Variants in CPQ observed in about 807,000 individuals in gnomAD.
The protein encoded by CPQ is Ser-Met dipeptidase.
A neutral mutation model predicts 45.7 loss-of-function variants in CPQ; 37 were observed. The observed-to-expected ratio is 0.81, with a 90% CI of 0.62 to 1.07. The LOEUF (loss-of-function observed/expected upper bound fraction) is 1.07, where lower values mean the gene tolerates loss of function less well. Ranked by LOEUF, CPQ falls within the 50% of genes least tolerant of loss-of-function variation. The pLI is 0.00. For synonymous variants in CPQ, 186 were observed against 205.8 expected (o/e 0.90, Z 0.82); for missense variants, 537 against 572.9 (o/e 0.94, Z 0.64).
intron 5 of CPQ, among the ~76,000 whole-genome samples, chr8:96,968,768 C>G (rs1189226620): frequency 6.6e-6 from 1 of 152,118 alleles, no homozygotes; most frequent in African/African-American, 2.4e-5. Context: ...CTTTGTCTTC[C>G]CCTCTCACCA....
At chr8:96,897,671 C>G (rs186891056) in intron 4 of CPQ, among the ~76,000 whole-genome samples, 46 of 152,156 alleles carry the variant, frequency 3.0e-4, no homozygotes, top group Non-Finnish European at 4.6e-4. Context: ...ACACTTGGTC[C>G]CATCCTCATG....
chr8:97,010,783 A>G (rs2130438863), intron 5 of CPQ, among the ~76,000 whole-genome samples: 1 of 152,336 alleles, frequency 6.6e-6, no homozygotes, highest in Admixed American at 6.5e-5. Flanking sequence ...GTTTAAAAAA[A>G]TCATTTCTTC....
At chr8:97,129,197 G>A (rs1017924428) in intron 7 of CPQ, among the ~76,000 whole-genome samples, 3 of 152,188 alleles carry the variant, frequency 2.0e-5, no homozygotes, top group African/African-American at 7.2e-5. Flanking sequence ...AAAGATGGGT[G>A]CTGATGTGGG....
intron 7 of CPQ, among the ~76,000 whole-genome samples, chr8:97,088,579 G>T (rs1039995285): frequency 6.6e-6 from 1 of 152,166 alleles, no homozygotes; most frequent in African/African-American, 2.4e-5. Flanking sequence ...AAATGTATCC[G>T]TTTCAACAGT....
intron 3 of CPQ, among the ~76,000 whole-genome samples, chr8:96,859,522 G>A (rs1381488904): frequency 6.6e-6 from 1 of 152,176 alleles, no homozygotes; most frequent in Non-Finnish European, 1.5e-5. Flanking sequence ...CCAGCTTAGG[G>A]TGGCAAGTGT....
intron 6 of CPQ, among the ~76,000 whole-genome samples, chr8:97,046,562 G>T (rs1786551553): frequency 6.6e-6 from 1 of 152,210 alleles, no homozygotes; most frequent in African/African-American, 2.4e-5. Flanking sequence ...AGATTAAACA[G>T]AATTTCTGTT....
rs747470074 is a variant in CPQ at position 96,905,760 on chromosome 8, C to CAA, written c.849+25777_849+25778dup. Among the ~76,000 whole-genome samples the CAA allele has an allele frequency of 4.8e-3, 309 of 64,736 alleles. 2 individuals are homozygous for CAA. Among genetic ancestry groups the CAA allele is most frequent in the African/African-American group, 0.012 (219 of 18,040 alleles). The allele number at this position is 64,736 out of a possible 152,430, so 42.5% of individuals were successfully genotyped here. On this transcript the variant is annotated intron_variant, in intron 4 of 7. Coordinates refer to ENST00000220763, the MANE Select transcript of CPQ (RefSeq NM_016134.4). ...AAAATAAATTCAGCCCTGTCTTAAC[C>CAA]AAAAAAAAAAAAAAAAAAAAAAAGA... is the stretch of plus-strand genomic sequence containing the variant.
chr8:96,860,140 G>C (rs1337687196), intron 3 of CPQ, among the ~76,000 whole-genome samples: 1 of 152,028 alleles, frequency 6.6e-6, no homozygotes, highest in African/African-American at 2.4e-5. Flanking sequence ...CTGCTGTGTT[G>C]TCCTTGCCAC....
intron 7 of CPQ, among the ~76,000 whole-genome samples, chr8:97,133,897 T>C (rs1286979734): frequency 2.0e-5 from 3 of 152,246 alleles, no homozygotes; most frequent in Non-Finnish European, 4.4e-5. Context: ...CTTTTTGCTT[T>C]ATTTTTAAGT....
intron 7 of CPQ, among the ~76,000 whole-genome samples, chr8:97,142,683 G>T (rs1812187650): frequency 6.6e-6 from 1 of 152,178 alleles, no homozygotes; most frequent in Non-Finnish European, 1.5e-5. Context: ...CCAAATGTAG[G>T]CTACTTCCAC....
intron 1 of CPQ, among the ~76,000 whole-genome samples, chr8:96,784,345 A>C (rs1443327344): frequency 6.6e-6 from 1 of 151,740 alleles, no homozygotes; most frequent in South Asian, 2.1e-4. Flanking sequence ...CCTTTTGAAC[A>C]TAAGCATAAA....
At chr8:96,753,291 C>G (rs997175466) in intron 1 of CPQ, among the ~76,000 whole-genome samples, 7 of 152,066 alleles carry the variant, frequency 4.6e-5, no homozygotes, top group African/African-American at 1.4e-4. Context: ...CACCATTACA[C>G]TATTTTGTAT....
rs565208605 is a variant in CPQ at position 96,704,755 on chromosome 8, G to C, written c.-35+59353G>C. Among the ~76,000 whole-genome samples, 5 of 152,232 alleles carry C rather than the reference G, an allele frequency of 3.3e-5. No individual in the cohort carries two copies. The East Asian group carries it at 7.7e-4, about 24-fold the overall frequency. ...AGAACTACAAACAGGAAATCAATCT[G>C]TTGTTCTGTGGATGGGAGAGAGACT... On this transcript the variant is annotated intron_variant, in intron 1 of 7. Transcript: ENST00000220763.
chr8:97,034,691 T>C (rs1166007295), intron 6 of CPQ, among the ~76,000 whole-genome samples: 2 of 152,164 alleles, frequency 1.3e-5, no homozygotes, highest in Middle Eastern at 3.2e-3. Flanking sequence ...AGTTTCCTTA[T>C]GTCCCCTTCA....
chr8:96,797,957 A>G (rs1016973384), intron 2 of CPQ, among the ~76,000 whole-genome samples: 2 of 151,944 alleles, frequency 1.3e-5, no homozygotes, highest in Non-Finnish European at 2.9e-5. Flanking sequence ...AGGCTAAGGC[A>G]GGAGAATTGC....
intron 1 of CPQ, among the ~76,000 whole-genome samples, chr8:96,717,067 ATATATATATAC>A (rs1809689811): frequency 9.2e-6 from 1 of 108,710 alleles, no homozygotes. Context: ...ATATATATAT[ATATATATATAC>A]GTATATATAC....
chr8:96,660,138 A>T (rs188950840), intron 1 of CPQ, among the ~76,000 whole-genome samples: 29 of 152,322 alleles, frequency 1.9e-4, no homozygotes, highest in Admixed American at 8.5e-4. Context: ...TGGGTAGGTT[A>T]AACAACAGAA....
chr8:96,993,412 T>C (rs1809127944), intron 5 of CPQ, among the ~76,000 whole-genome samples: 1 of 152,184 alleles, frequency 6.6e-6, no homozygotes, highest in Admixed American at 6.6e-5. Context: ...ATGATGTGGG[T>C]CCTGGTCTTT....
intron 1 of CPQ, among the ~76,000 whole-genome samples, chr8:96,763,484 A>G (rs978937721): frequency 6.6e-6 from 1 of 152,142 alleles, no homozygotes; most frequent in African/African-American, 2.4e-5. Flanking sequence ...TGTCTGGATT[A>G]CTTCCATTTT....
Sources: gnomAD v4.1 joint callset for allele counts (sites outside exome capture counted in the v4.1 genomes callset) on GRCh38, gnomAD v4.1.1 for gene constraint, MANE v1.5 for transcripts, NCBI Gene and HGNC (gene_info 2026-07-23, HGNC 2026-07-21) for gene names.